The following TSHZ2 variants were observed in gnomAD, a reference collection of about 807,000 sequenced individuals.
TSHZ2 encodes teashirt homolog 2.
Under a neutral mutation model 74.4 loss-of-function variants are expected in TSHZ2, and 21 were observed. That is an observed-to-expected ratio of 0.28 (90% CI 0.20 to 0.41). TSHZ2 has a LOEUF of 0.41. Ranked by LOEUF, TSHZ2 falls within the 10% of genes least tolerant of loss-of-function variation. TSHZ2 has a pLI of 1.00. For missense variants in TSHZ2, 1,244 were observed against 1,293.5 expected, an observed-to-expected ratio of 0.96 and a Z score of 0.59; for synonymous variants, 540 against 515.3, an observed-to-expected ratio of 1.05 and a Z score of -0.65.
chr20:53,232,087 G>A (rs527503939), intron 1 of TSHZ2, among the ~76,000 whole-genome samples: 68 of 151,982 alleles, frequency 4.5e-4, no homozygotes, highest in African/African-American at 1.5e-3. Context: ...ATGGGATCTT[G>A]TTTTTTTGCC....
At chr20:53,479,147 A>T (rs73137955) in intron 2 of TSHZ2, among the ~76,000 whole-genome samples, 20 of 150,952 alleles carry the variant, frequency 1.3e-4, no homozygotes, top group Admixed American at 7.3e-4. Context: ...CCTGGGCAAC[A>T]GGGCAAGACT....
At chr20:53,375,763 C>A (rs1315942079) in intron 2 of TSHZ2, among the ~76,000 whole-genome samples, 11 of 152,150 alleles carry the variant, frequency 7.2e-5, no homozygotes, top group African/African-American at 1.7e-4. Flanking sequence ...TTCTTGTGTG[C>A]ATCAAAATTA....
intron 1 of TSHZ2, among the ~76,000 whole-genome samples, chr20:53,115,844 A>G (rs945533307): frequency 6.6e-6 from 1 of 152,178 alleles, no homozygotes; most frequent in African/African-American, 2.4e-5. Context: ...GGGGAGGCAC[A>G]TAAGCAGGAT....
chr20:53,461,964 G>T (rs566184780), intron 2 of TSHZ2, among the ~76,000 whole-genome samples: 2 of 151,734 alleles, frequency 1.3e-5, no homozygotes, highest in South Asian at 2.1e-4. Flanking sequence ...AGGAGCAGTG[G>T]CTCATGCCTG....
chr20:53,003,145 G>A (rs981656209), intron 1 of TSHZ2, among the ~76,000 whole-genome samples: 3 of 152,162 alleles, frequency 2.0e-5, no homozygotes, highest in African/African-American at 7.2e-5. Flanking sequence ...CTTCCAGTAT[G>A]AAATTTAGTT....
chr20:53,323,340 G>A (rs548054547), intron 2 of TSHZ2, among the ~76,000 whole-genome samples: 1 of 152,116 alleles, frequency 6.6e-6, no homozygotes, highest in Non-Finnish European at 1.5e-5. Context: ...ACATCGATTT[G>A]CTATCTTGGC....
intron 1 of TSHZ2, among the ~76,000 whole-genome samples, chr20:53,174,558 T>G (rs1988279847): frequency 6.6e-6 from 1 of 152,182 alleles, no homozygotes; most frequent in Non-Finnish European, 1.5e-5. Flanking sequence ...GCACCCACCT[T>G]CTTTATCTGC....
intron 1 of TSHZ2, among the ~76,000 whole-genome samples, chr20:53,161,027 A>C (rs1225728382): frequency 8.6e-6 from 1 of 116,092 alleles, no homozygotes; most frequent in East Asian, 2.6e-4. Context: ...AAACAGCAAA[A>C]TGTTTGGGGT....
chr20:52,976,981 G>T (rs1016459140), intron 1 of TSHZ2, among the ~76,000 whole-genome samples: 21 of 152,154 alleles, frequency 1.4e-4, no homozygotes, highest in African/African-American at 3.6e-4. Flanking sequence ...GAATGTCCTT[G>T]TGTGGCAGTA....
chr20:53,267,849 C>T (rs1337504862), intron 2 of TSHZ2, among the ~76,000 whole-genome samples: 1 of 152,212 alleles, frequency 6.6e-6, no homozygotes. Flanking sequence ...CTTGCAACAA[C>T]TTTTTGAAAT....
chr20:53,008,020 C>G lies in TSHZ2; in HGVS notation c.40+34687C>G, dbSNP rs6013599. Reference sequence around the variant, plus strand: ...AGAAGAAAGCATTTTGTATCTCACACCAAGAAACCAATTCCACTGAATTGT... The same window carrying G: ...AGAAGAAAGCATTTTGTATCTCACAGCAAGAAACCAATTCCACTGAATTGT... On this transcript the variant is annotated intron_variant, in intron 1 of 2. Transcript: ENST00000371497. Among the ~76,000 whole-genome samples the G allele has an allele frequency of 4.5e-4, 69 of 152,008 alleles. 2 individuals carry two copies. Among genetic ancestry groups the G allele is most frequent in the African/African-American group, 1.6e-3 (68 of 41,442 alleles).
intron 2 of TSHZ2, among the ~76,000 whole-genome samples, chr20:53,396,847 GAA>G (rs3042187): frequency 8.6e-6 from 1 of 116,668 alleles, no homozygotes. Flanking sequence ...GCAATACCCT[GAA>G]AAAAAAAAAA....
chr20:53,402,069 C>T lies in TSHZ2; in HGVS notation c.*9-85075C>T, dbSNP rs557505791. ...AAGTGCCGGGATTACAGGCGTGAGC[C>T]ACCGTGCCCAGCCATATACCACATT... is the stretch of plus-strand genomic sequence containing the variant. On this transcript the variant is annotated intron_variant, in intron 2 of 2. Coordinates refer to ENST00000371497, the MANE Select transcript of TSHZ2 (RefSeq NM_173485.6). Among the ~76,000 whole-genome samples, 6 of 152,262 alleles carry T rather than the reference C, an allele frequency of 3.9e-5. No homozygotes were observed. The South Asian group carries it at 1.0e-3, about 26-fold the overall frequency.
intron 1 of TSHZ2, among the ~76,000 whole-genome samples, chr20:53,174,202 G>A (rs1988269950): frequency 1.3e-5 from 2 of 152,218 alleles, no homozygotes; most frequent in South Asian, 4.1e-4. Context: ...GCTAGGATAG[G>A]GTTGTGCGCC....
chr20:53,176,992 G>A (rs1394343399), intron 1 of TSHZ2, among the ~76,000 whole-genome samples: 2 of 152,034 alleles, frequency 1.3e-5, no homozygotes. Context: ...GCCAGAAGTT[G>A]TATTTCTTTA....
At chr20:53,207,733 G>C (rs1989203570) in intron 1 of TSHZ2, among the ~76,000 whole-genome samples, 1 of 152,004 alleles carries the variant, frequency 6.6e-6, no homozygotes, top group Non-Finnish European at 1.5e-5. Context: ...CTGGAGTGCA[G>C]TGGCACTGTC....
chr20:53,117,887 C>T (rs1202961291), intron 1 of TSHZ2, among the ~76,000 whole-genome samples: 2 of 152,196 alleles, frequency 1.3e-5, no homozygotes, highest in African/African-American at 4.8e-5. Flanking sequence ...CTCAATCTAC[C>T]TGTCTCTCCA....
rs188038096 is a variant in TSHZ2, at chr20:53,379,626, G to A, written c.*9-107518G>A. Among the ~76,000 whole-genome samples, 3 of 152,218 alleles carry A rather than the reference G, an allele frequency of 2.0e-5. No homozygotes were observed. In the East Asian group the frequency reaches 5.8e-4, roughly 29 times the overall value. On this transcript the variant is annotated intron_variant, in intron 2 of 2. Coordinates refer to ENST00000371497, the MANE Select transcript of TSHZ2 (RefSeq NM_173485.6). Reference sequence around the variant, plus strand: ...GTCTCTTGGGATGTCTTTGCCAAGCGAAGCCCAATGGTGCCATAAATCAGG... The same window carrying A: ...GTCTCTTGGGATGTCTTTGCCAAGCAAAGCCCAATGGTGCCATAAATCAGG...
intron 1 of TSHZ2, among the ~76,000 whole-genome samples, chr20:53,188,569 T>C (rs1735418284): frequency 6.6e-6 from 1 of 152,210 alleles, no homozygotes; most frequent in Non-Finnish European, 1.5e-5. Context: ...GTCTGTAGAA[T>C]ACACAAGGGC....
Sources: allele counts gnomAD v4.1 joint callset (sites outside exome capture counted in the v4.1 genomes callset), GRCh38; gene constraint gnomAD v4.1.1; transcripts MANE v1.5; gene names NCBI Gene and HGNC (gene_info 2026-07-23, HGNC 2026-07-21).